The following GRM5 variants were observed in gnomAD, a reference collection of about 807,000 sequenced individuals.
The protein encoded by GRM5 is glutamate metabotropic receptor 5.
In GRM5, 19 loss-of-function variants were observed where a neutral mutation model predicts 83.1. The observed-to-expected ratio is 0.23, with a 90% CI of 0.16 to 0.34. GRM5 has a LOEUF of 0.34. Among genes scored for constraint, GRM5 ranks in the 10% least tolerant of loss-of-function variants. GRM5 has a pLI of 1.00. For synonymous variants in GRM5, 675 were observed against 633.6 expected, an observed-to-expected ratio of 1.07 and a Z score of -0.98; for missense variants, 1,160 against 1,588.3, an observed-to-expected ratio of 0.73 and a Z score of 4.58.
intron 2 of GRM5, among the ~76,000 whole-genome samples, chr11:88,992,502 C>A (rs184292014): frequency 3.5e-4 from 54 of 152,294 alleles, no homozygotes; most frequent in Non-Finnish European, 5.7e-4. Context: ...TTTGACCCAG[C>A]CAACCCATTA....
chr11:88,822,018 C>T (rs1943807293), intron 3 of GRM5, among the ~76,000 whole-genome samples: 1 of 152,018 alleles, frequency 6.6e-6, no homozygotes, highest in Admixed American at 6.6e-5. Context: ...AGTTTTTATA[C>T]ATTATTTTTT....
intron 7 of GRM5, among the ~76,000 whole-genome samples, chr11:88,568,340 G>A (rs568538686): frequency 6.6e-6 from 1 of 152,318 alleles, no homozygotes; most frequent in South Asian, 2.1e-4. Context: ...GCAGTCTCTT[G>A]AAGCAGCAAA....
At chr11:88,552,297 G>C (rs1158846864) in intron 8 of GRM5, among the ~76,000 whole-genome samples, 1 of 152,092 alleles carries the variant, frequency 6.6e-6, no homozygotes, top group Non-Finnish European at 1.5e-5. Flanking sequence ...AACATTCTAG[G>C]ATTATAAGCA....
At chr11:88,827,158 G>A (rs1943907040) in intron 3 of GRM5, among the ~76,000 whole-genome samples, 1 of 152,170 alleles carries the variant, frequency 6.6e-6, no homozygotes, top group Admixed American at 6.5e-5. Flanking sequence ...AAACCTCTAT[G>A]TAAATAACTT....
chr11:88,736,332 A>G (rs1208711408), intron 3 of GRM5, among the ~76,000 whole-genome samples: 1 of 152,048 alleles, frequency 6.6e-6, no homozygotes, highest in East Asian at 1.9e-4. Context: ...GTGCAAATTG[A>G]TTTTATGATT....
intron 2 of GRM5, among the ~76,000 whole-genome samples, chr11:88,863,098 A>G (rs1944595285): frequency 6.6e-6 from 1 of 152,170 alleles, no homozygotes; most frequent in South Asian, 2.1e-4. Context: ...GATTTTTAAA[A>G]AGTAAAGAAA....
intron 2 of GRM5, among the ~76,000 whole-genome samples, chr11:89,044,158 T>C (rs1385673391): frequency 6.6e-6 from 1 of 152,212 alleles, no homozygotes; most frequent in Admixed American, 6.5e-5. Flanking sequence ...ATTTCCTTAG[T>C]GCAGAGAGAG....
intron 8 of GRM5, among the ~76,000 whole-genome samples, chr11:88,537,403 G>C (rs560068781): frequency 6.6e-6 from 1 of 152,206 alleles, no homozygotes; most frequent in Non-Finnish European, 1.5e-5. Flanking sequence ...AATCAGTTTC[G>C]ATGTGTGGGA....
At chr11:88,900,552 TAAATCTACACAGTCATAATTATACTG>T (rs935856056) in intron 2 of GRM5, among the ~76,000 whole-genome samples, 24 of 151,950 alleles carry the variant, frequency 1.6e-4, no homozygotes, top group Admixed American at 1.2e-3. Flanking sequence ...TTTGAATATC[TAAATCTACACAGTCATAATTATACTG>T]ATGCTATTAA....
chr11:88,996,569 A>C (rs1432965126), intron 2 of GRM5, among the ~76,000 whole-genome samples: 1 of 152,262 alleles, frequency 6.6e-6, no homozygotes, highest in Non-Finnish European at 1.5e-5. Flanking sequence ...GGACAAAACC[A>C]CATTTTAGTG....
At chr11:89,058,612 C>T (rs1351283743) in intron 1 of GRM5, among the ~76,000 whole-genome samples, 2 of 152,156 alleles carry the variant, frequency 1.3e-5, no homozygotes, top group East Asian at 3.8e-4. Context: ...TTGAAATAGG[C>T]TTGCCTTACT....
intron 3 of GRM5, among the ~76,000 whole-genome samples, chr11:88,843,680 G>A (rs1240351798): frequency 6.6e-6 from 1 of 152,214 alleles, no homozygotes; most frequent in Non-Finnish European, 1.5e-5. Context: ...TATACTTAAT[G>A]AGGAAGGTAA....
At chr11:88,790,907 G>T (rs1221608301) in intron 3 of GRM5, among the ~76,000 whole-genome samples, 1 of 152,146 alleles carries the variant, frequency 6.6e-6, no homozygotes, top group African/African-American at 2.4e-5. Flanking sequence ...GCAGGCAATG[G>T]GGAGCCTCTG....
At chr11:88,933,190 T>A in intron 2 of GRM5, among the ~76,000 whole-genome samples, 1 of 144,278 alleles carries the variant, frequency 6.9e-6, no homozygotes, top group South Asian at 2.3e-4. Context: ...TTGGGGCATT[T>A]TTTTTTTTTT....
intron 2 of GRM5, among the ~76,000 whole-genome samples, chr11:89,022,679 C>G (rs1217348317): frequency 1.3e-5 from 2 of 152,004 alleles, no homozygotes; most frequent in Non-Finnish European, 1.5e-5. Flanking sequence ...GACAGAGAGA[C>G]AGATAGATGG....
rs1941680219 is a variant in GRM5, at chr11:89,048,012, G to A, written c.-140C>T. 1.6e-6 allele frequency: 1 copy of A among 642,144 alleles called. No homozygotes were observed. Among genetic ancestry groups the A allele is most frequent in the East Asian group, 2.7e-5 (1 of 36,588 alleles). The allele number at this position is 642,144 out of a possible 1,614,324, so 39.8% of individuals were successfully genotyped here. The stretch of plus-strand genomic sequence containing the variant: ...AGCAATTCAGATGTATTTTCTAAAG[G>A]ACCATTTTGTCCCCATGTACCATTT... On this transcript the variant is annotated 5_prime_UTR_variant, in exon 2 of 10. Coordinates refer to ENST00000305447, the MANE Select transcript of GRM5 (RefSeq NM_001143831.3).
intron 6 of GRM5, among the ~76,000 whole-genome samples, chr11:88,591,487 C>T (rs1456187239): frequency 6.6e-6 from 1 of 152,132 alleles, no homozygotes; most frequent in Non-Finnish European, 1.5e-5. Flanking sequence ...CTTTTCTTCC[C>T]CACCATTGGT....
intron 3 of GRM5, among the ~76,000 whole-genome samples, chr11:88,669,063 T>C (rs564411280): frequency 6.6e-6 from 1 of 152,288 alleles, no homozygotes; most frequent in South Asian, 2.1e-4. Flanking sequence ...TTTCTGGGTA[T>C]TTATTTTGAA....
intron 4 of GRM5, among the ~76,000 whole-genome samples, chr11:88,614,974 T>C (rs548106495): frequency 1.6e-4 from 24 of 152,126 alleles, no homozygotes; most frequent in Non-Finnish European, 2.9e-4. Context: ...ATGGCAACGA[T>C]ATTGAATTTT....
Sources: gnomAD v4.1 joint callset for allele counts (sites outside exome capture counted in the v4.1 genomes callset) on GRCh38, gnomAD v4.1.1 for gene constraint, MANE v1.5 for transcripts, NCBI Gene and HGNC (gene_info 2026-07-23, HGNC 2026-07-21) for gene names.